The following CRTC1 variants were observed in gnomAD, a reference collection of about 807,000 sequenced individuals.
CRTC1 encodes CREB-regulated transcription coactivator 1.
Under a neutral mutation model 66.1 loss-of-function variants are expected in CRTC1, and 18 were observed. That is an observed-to-expected ratio of 0.27 (90% CI 0.19 to 0.40). The LOEUF is 0.40. Ranked by LOEUF, CRTC1 falls within the 10% of genes least tolerant of loss-of-function variation. The pLI, the probability that CRTC1 is intolerant of heterozygous loss-of-function variation, is 1.00. For synonymous variants in CRTC1, 416 were observed against 398.8 expected (o/e 1.04, Z -0.51); for missense variants, 669 against 887.9 (o/e 0.75, Z 3.13).
chr19:18,745,332 C>T (rs1367750938), intron 2 of CRTC1, among the ~76,000 whole-genome samples: 1 of 152,198 alleles, frequency 6.6e-6, no homozygotes, highest in Non-Finnish European at 1.5e-5. Flanking sequence ...CAGGAACTCG[C>T]GCTTGGCCAG....
At position 18,777,156 on chromosome 19, in the gene CRTC1, C is replaced by A; in HGVS notation, c.1694-15C>A. On this transcript the variant is annotated splice_polypyrimidine_tract_variant and intron_variant, in intron 13 of 13. Coordinates refer to ENST00000321949, the MANE Select transcript of CRTC1 (RefSeq NM_015321.3). This position sits in a 1 kb window ranked among gnomAD's most constrained non-coding sequence, Gnocchi z 5.5. ...AGGGCTAAGCAGTGCCTTTTGTCCC[C>A]ACCCCATCCCCCAGTGACAGGAGAG... 7.3e-7 allele frequency: 1 copy of A among 1,379,304 alleles called. No individual in the cohort carries two copies. Among genetic ancestry groups the A allele is most frequent in the Non-Finnish European group, 1.0e-6 (1 of 971,884 alleles). The allele number at this position is 1,379,304 out of a possible 1,614,324, so 85.4% of individuals were successfully genotyped here. A position where few individuals can be genotyped will look rare whatever the true frequency, so the allele number is the denominator to read the frequency against.
intron 8 of CRTC1, among the ~76,000 whole-genome samples, chr19:18,763,543 G>A (rs900428147): frequency 2.6e-5 from 4 of 152,316 alleles, no homozygotes; most frequent in Middle Eastern, 3.4e-3. Context: ...TGAAATCGCC[G>A]GACAACGCGT....
chr19:18,747,172 T>A, intron 4 of CRTC1, 58 bp downstream of exon 4: 3 of 1,109,348 alleles, frequency 2.7e-6, no homozygotes, highest in South Asian at 1.3e-5. Flanking sequence ...AACCAAACTC[T>A]CATCATGGTT....
In CRTC1 at chr19:18,777,903, C is replaced by T. The variant is rs984775523; in HGVS notation, c.*521C>T. The T allele has an allele frequency of 4.6e-5, 12 of 260,840 alleles. No individual in the cohort carries two copies. The highest frequency in any genetic ancestry group is 2.0e-4 in the African/African-American group (9 of 45,460). The allele number at this position is 260,840 out of a possible 1,614,324, so 16.2% of individuals were successfully genotyped here. ...GCCCCACGCCGCCCCAGGGAGGAGGCGCCAGAGCGCGGGGCAGACGCAAAG... is the reference window on the plus strand; with the variant it reads ...GCCCCACGCCGCCCCAGGGAGGAGGTGCCAGAGCGCGGGGCAGACGCAAAG... On this transcript the variant is annotated 3_prime_UTR_variant, in exon 14 of 14. Coordinates refer to ENST00000321949, the MANE Select transcript of CRTC1 (RefSeq NM_015321.3). The surrounding 1 kb of genome is among the most constrained non-coding windows in gnomAD (Gnocchi z 5.5).
chr19:18,711,704 C>G (rs957580191), intron 1 of CRTC1, among the ~76,000 whole-genome samples: 11 of 152,018 alleles, frequency 7.2e-5, no homozygotes, highest in Non-Finnish European at 1.2e-4. Context: ...TCCGCCCATT[C>G]CCGGCTGCGT....
chr19:18,743,032 T>C lies in CRTC1; in HGVS notation c.243+6T>C. 1.9e-6 allele frequency: 3 copies of C among 1,600,864 alleles called. No individual in the cohort carries two copies. Among genetic ancestry groups the C allele is most frequent in the Non-Finnish European group, 1.7e-6 (2 of 1,169,026 alleles). On this transcript the variant is annotated splice_donor_region_variant and intron_variant, in intron 2 of 13. Transcript: ENST00000321949. ...CCATGGACCTGCCCTTCCAGGTGAG[T>C]GCCCCGCCCCCTGGCCCTGCCCCAT...
intron 1 of CRTC1, among the ~76,000 whole-genome samples, chr19:18,719,052 G>A (rs1014896187): frequency 2.6e-5 from 4 of 152,190 alleles, no homozygotes; most frequent in Non-Finnish European, 5.9e-5. Flanking sequence ...GATGACACGG[G>A]CTAGTACCAG....
At chr19:18,763,806 C>T (rs1019080127) in intron 8 of CRTC1, among the ~76,000 whole-genome samples, 2 of 152,218 alleles carry the variant, frequency 1.3e-5, no homozygotes, top group African/African-American at 4.8e-5. Context: ...TACTTTGTAC[C>T]GAGCCCGACC....
chr19:18,734,542 G>A (rs2053957165), intron 1 of CRTC1, among the ~76,000 whole-genome samples: 1 of 150,900 alleles, frequency 6.6e-6, no homozygotes, highest in South Asian at 2.1e-4. Context: ...AAAAAAAAAG[G>A]CCATGGTGGT....
intron 1 of CRTC1, among the ~76,000 whole-genome samples, chr19:18,690,738 G>A (rs561670404): frequency 1.3e-5 from 2 of 152,116 alleles, no homozygotes; most frequent in South Asian, 4.1e-4. Context: ...ATGAAGAGTG[G>A]GCCATGGCTG....
chr19:18,759,933 C>CCCGCCAGCCTCCTGTCCCCG, intron 7 of CRTC1, 75 bp from the exon 8 acceptor site: 1 of 991,358 alleles, frequency 1.0e-6, no homozygotes, highest in Non-Finnish European at 1.4e-6. Context: ...CTGATTTTCT[C>CCCGCCAGCCTCCTGTCCCCG]CCGCCAGCCC....
intron 1 of CRTC1, among the ~76,000 whole-genome samples, chr19:18,721,448 C>T (rs1331584096): frequency 6.6e-6 from 1 of 150,928 alleles, no homozygotes; most frequent in Non-Finnish European, 1.5e-5. Flanking sequence ...CCACCTTGGC[C>T]TCCCAAAGTG....
chr19:18,759,514 T>C, intron 6 of CRTC1, 37 bp from the exon 7 acceptor site: 2 of 1,605,222 alleles, frequency 1.2e-6, no homozygotes, highest in Middle Eastern at 1.7e-4. Context: ...CCACAGGGTG[T>C]GCCCCAGGGC....
chr19:18,694,893 CT>C (rs371198258), intron 1 of CRTC1, among the ~76,000 whole-genome samples: 9,784 of 144,170 alleles, frequency 0.068, 424 homozygotes, highest in East Asian at 0.23. Context: ...TCAGCGACCT[CT>C]TTTTTTTTTT....
At chr19:18,697,145 C>A (rs934258859) in intron 1 of CRTC1, among the ~76,000 whole-genome samples, 10 of 152,048 alleles carry the variant, frequency 6.6e-5, no homozygotes, top group Non-Finnish European at 5.9e-5. Context: ...CCTCGAGGGC[C>A]AGGGATGCCC....
chr19:18,748,351 C>T (rs1341781333), intron 4 of CRTC1, among the ~76,000 whole-genome samples: 6 of 146,904 alleles, frequency 4.1e-5, no homozygotes. Flanking sequence ...CAGACTGAAT[C>T]GTCCCACCTC....
chr19:18,762,518 C>A (rs998378810), intron 8 of CRTC1, among the ~76,000 whole-genome samples: 4 of 152,228 alleles, frequency 2.6e-5, no homozygotes, highest in African/African-American at 9.6e-5. Context: ...GAGGCCTTCG[C>A]GGCCGAGGAG....
chr19:18,687,886 C>G (rs1228999749), intron 1 of CRTC1, among the ~76,000 whole-genome samples: 2 of 151,942 alleles, frequency 1.3e-5, no homozygotes, highest in African/African-American at 4.8e-5. Context: ...GTGGGCGTTC[C>G]CTCCCACTCT....
intron 1 of CRTC1, among the ~76,000 whole-genome samples, chr19:18,703,342 C>T (rs1600788022): frequency 6.6e-6 from 1 of 152,014 alleles, no homozygotes; most frequent in East Asian, 1.9e-4. Flanking sequence ...CCAGTTGTCA[C>T]AATTCTATTA....
Sources: gnomAD v4.1 joint callset for allele counts (sites outside exome capture counted in the v4.1 genomes callset) on GRCh38, gnomAD v4.1.1 for gene constraint, Gnocchi (gnomAD v3.1) non-coding constraint, MANE v1.5 for transcripts, NCBI Gene and HGNC (gene_info 2026-07-23, HGNC 2026-07-21) for gene names.